ADGRL2: variants seen among roughly 807,000 people sequenced by gnomAD.
ADGRL2 encodes calcium-independent alpha-latrotoxin receptor 2.
In ADGRL2, 44 loss-of-function variants were observed where a neutral mutation model predicts 157.4. That is an observed-to-expected ratio of 0.28 (90% CI 0.22 to 0.36). The LOEUF (loss-of-function observed/expected upper bound fraction) is 0.36, where lower values mean the gene tolerates loss of function less well. Among genes scored for constraint, ADGRL2 ranks in the 10% least tolerant of loss-of-function variants. The pLI, the probability that ADGRL2 is intolerant of heterozygous loss-of-function variation, is 1.00. For missense variants in ADGRL2, 1,510 were observed against 1,768.9 expected, an observed-to-expected ratio of 0.85 and a Z score of 2.63; for synonymous variants, 585 against 624.7, an observed-to-expected ratio of 0.94 and a Z score of 0.95.
chr1:81,492,323 A>G (rs1444060207), intron 2 of ADGRL2, among the ~76,000 whole-genome samples: 1 of 152,216 alleles, frequency 6.6e-6, no homozygotes, highest in African/African-American at 2.4e-5. Context: ...TTATGTAAAT[A>G]TCTTTGTAAA....
intron 3 of ADGRL2, among the ~76,000 whole-genome samples, chr1:81,649,358 A>G (rs978346104): frequency 1.3e-5 from 2 of 152,242 alleles, no homozygotes; most frequent in Non-Finnish European, 2.9e-5. Flanking sequence ...GAGAACCTCT[A>G]TCAACTTGTT....
chr1:81,466,045 A>C (rs1233271302), intron 2 of ADGRL2, among the ~76,000 whole-genome samples: 2 of 152,252 alleles, frequency 1.3e-5, no homozygotes, highest in African/African-American at 4.8e-5. Flanking sequence ...AGTGTACCAC[A>C]TGTGTACATG....
chr1:81,334,590 C>T (rs1237596226), intron 1 of ADGRL2, among the ~76,000 whole-genome samples: 1 of 152,120 alleles, frequency 6.6e-6, no homozygotes, highest in East Asian at 1.9e-4. Context: ...CTTCAAAGGC[C>T]TTAATAAAAC....
At chr1:81,967,971 T>C in intron 13 of ADGRL2, 55 bp from the exon 14 acceptor site, 2 of 1,363,762 alleles carry the variant, frequency 1.5e-6, no homozygotes, top group Non-Finnish European at 2.1e-6. Context: ...AAACAATTGC[T>C]GTTGCCATCT....
intron 2 of ADGRL2, among the ~76,000 whole-genome samples, chr1:81,566,468 C>T (rs987767403): frequency 1.3e-5 from 2 of 152,144 alleles, no homozygotes; most frequent in African/African-American, 4.8e-5. Context: ...ATAAGTCAAA[C>T]TCTAGCCAAC....
At chr1:81,882,115 A>AG (rs1557837782) in intron 2 of ADGRL2, among the ~76,000 whole-genome samples, 1 of 152,216 alleles carries the variant, frequency 6.6e-6, no homozygotes, top group Non-Finnish European at 1.5e-5. Flanking sequence ...GTGGACATAG[A>AG]GAAATGATGA....
At chr1:81,669,235 T>C (rs2148908217) in intron 3 of ADGRL2, among the ~76,000 whole-genome samples, 1 of 152,234 alleles carries the variant, frequency 6.6e-6, no homozygotes. Context: ...TTCCTGTAAA[T>C]TGAGGCGGAT....
intron 1 of ADGRL2, among the ~76,000 whole-genome samples, chr1:81,828,543 A>C (rs183458699): frequency 7.7e-4 from 118 of 152,278 alleles, no homozygotes; most frequent in Admixed American, 6.0e-3. Context: ...GTCTGTTACC[A>C]CATGAAGGAC....
chr1:81,747,075 T>TATATATGTGTATATACGTAATATATAC (rs1399017730), intron 1 of ADGRL2, among the ~76,000 whole-genome samples: 5 of 147,322 alleles, frequency 3.4e-5, no homozygotes, highest in Non-Finnish European at 6.0e-5. Flanking sequence ...TGTATATATG[T>TATATATGTGTATATACGTAATATATAC]ATATATGTGT....
intron 6 of ADGRL2, among the ~76,000 whole-genome samples, chr1:81,945,259 G>A (rs751294178): frequency 2.6e-5 from 4 of 151,812 alleles, no homozygotes; most frequent in Non-Finnish European, 5.9e-5. Flanking sequence ...TTATCCTATA[G>A]GTTTGTCAAA....
chr1:81,600,732 G>A (rs1016282429), intron 3 of ADGRL2, among the ~76,000 whole-genome samples: 3 of 152,208 alleles, frequency 2.0e-5, no homozygotes, highest in African/African-American at 7.2e-5. Context: ...ATATTTGTTT[G>A]TTTAAAAACA....
intron 3 of ADGRL2, among the ~76,000 whole-genome samples, chr1:81,928,850 T>G (rs931875143): frequency 3.3e-5 from 5 of 151,956 alleles, no homozygotes; most frequent in South Asian, 4.2e-4. Flanking sequence ...AGCATTGATT[T>G]CACCTCCAAA....
At chr1:81,600,137 G>A (rs1265123927) in intron 3 of ADGRL2, among the ~76,000 whole-genome samples, 1 of 152,188 alleles carries the variant, frequency 6.6e-6, no homozygotes, top group Non-Finnish European at 1.5e-5. Context: ...ACATGCTGGT[G>A]ACTCTTCCAG....
intron 1 of ADGRL2, among the ~76,000 whole-genome samples, chr1:81,801,297 AT>A (rs1315940441): frequency 6.6e-6 from 1 of 152,106 alleles, no homozygotes; most frequent in African/African-American, 2.4e-5. Flanking sequence ...GTATGTTTAT[AT>A]GATTAGCCCA....
At chr1:81,348,855 G>A (rs749469568) in intron 1 of ADGRL2, among the ~76,000 whole-genome samples, 3 of 152,108 alleles carry the variant, frequency 2.0e-5, no homozygotes, top group African/African-American at 7.2e-5. Context: ...TTAAAGTAAT[G>A]CATCTGCATG....
intron 3 of ADGRL2, among the ~76,000 whole-genome samples, chr1:81,653,732 A>G (rs2082471701): frequency 6.6e-6 from 1 of 152,206 alleles, no homozygotes; most frequent in Non-Finnish European, 1.5e-5. Context: ...GCATGCTTGA[A>G]ATATTTAATC....
upstream of ADGRL2, among the ~76,000 whole-genome samples, chr1:81,698,626 A>C (rs1557575474): frequency 1.3e-5 from 2 of 152,202 alleles, no homozygotes; most frequent in Admixed American, 1.3e-4. Context: ...TTTAAATGTC[A>C]GTAAGGAATC....
chr1:81,902,921 CACAGCACA>C (rs2094514264), intron 2 of ADGRL2, among the ~76,000 whole-genome samples: 1 of 152,082 alleles, frequency 6.6e-6, no homozygotes, highest in South Asian at 2.1e-4. Flanking sequence ...TATGGATGTG[CACAGCACA>C]TCCATGTTAA....
intron 1 of ADGRL2, among the ~76,000 whole-genome samples, chr1:81,442,471 G>A (rs773145085): frequency 2.6e-5 from 4 of 152,126 alleles, no homozygotes; most frequent in Non-Finnish European, 4.4e-5. Flanking sequence ...GAAAACAACT[G>A]AAGGGCTACT....
Sources: allele counts gnomAD v4.1 joint callset (sites outside exome capture counted in the v4.1 genomes callset), GRCh38; gene constraint gnomAD v4.1.1; transcripts MANE v1.5; gene names NCBI Gene and HGNC (gene_info 2026-07-23, HGNC 2026-07-21).